The following MYO16 variants were observed in gnomAD, a reference collection of about 807,000 sequenced individuals.
MYO16 encodes unconventional myosin-XVI.
MYO16 carries 94 observed loss-of-function variants against 205.3 expected under a neutral mutation model. That is an observed-to-expected ratio of 0.46 (90% CI 0.39 to 0.54). The LOEUF is 0.54. Ranked by LOEUF, MYO16 falls within the 20% of genes least tolerant of loss-of-function variation. The pLI is 0.00. For missense variants in MYO16, 2,315 were observed against 2,387.5 expected, an observed-to-expected ratio of 0.97 and a Z score of 0.63; for synonymous variants, 988 against 954.0, an observed-to-expected ratio of 1.04 and a Z score of -0.66.
chr13:109,120,071 T>A (rs1875914516), intron 28 of MYO16, among the ~76,000 whole-genome samples: 1 of 152,228 alleles, frequency 6.6e-6, no homozygotes, highest in Non-Finnish European at 1.5e-5. Context: ...GATGCTCTTA[T>A]CTTCTGACTG....
At chr13:108,947,929 T>C (rs1882999482) in intron 16 of MYO16, among the ~76,000 whole-genome samples, 1 of 152,266 alleles carries the variant, frequency 6.6e-6, no homozygotes, top group Non-Finnish European at 1.5e-5. Context: ...GTTCTTTTCC[T>C]GGAGACCACT....
intron 34 of MYO16, among the ~76,000 whole-genome samples, chr13:109,201,656 G>A (rs1027607213): frequency 2.6e-5 from 4 of 152,102 alleles, no homozygotes; most frequent in African/African-American, 9.6e-5. Flanking sequence ...GGTTACATGA[G>A]TAAGTTCTTT....
the MYO16 span, among the ~76,000 whole-genome samples, chr13:108,550,792 G>A: frequency 6.6e-6 from 1 of 152,100 alleles, no homozygotes; most frequent in Admixed American, 6.5e-5. Context: ...CTGAATTATT[G>A]CATTTGGGAG....
At chr13:109,094,053 G>A (rs781518507) in intron 27 of MYO16, among the ~76,000 whole-genome samples, 12 of 151,940 alleles carry the variant, frequency 7.9e-5, no homozygotes, top group Non-Finnish European at 1.3e-4. Flanking sequence ...TCGACTCCTT[G>A]ATATTCCCAG....
Position 108,882,716 on chromosome 13 carries a change from A to C in MYO16, c.1426-343A>C, listed in dbSNP as rs1879677804. The stretch of plus-strand genomic sequence containing the variant: ...ATGGTATTGAAATTAAATACTGCTG[A>C]GAGAAATTGTATTTGTTGTAAATTA... On this transcript the variant is annotated intron_variant, in intron 12 of 34. Coordinates refer to ENST00000457511, the MANE Select transcript of MYO16 (RefSeq NM_001198950.3). Among the ~76,000 whole-genome samples the C allele has an allele frequency of 1.3e-5, 2 of 152,170 alleles. 1 individual carries two copies. Among genetic ancestry groups the C allele is most frequent in the South Asian group, 4.2e-4 (2 of 4,802 alleles).
At chr13:108,807,305 A>G (rs1358562733) in intron 7 of MYO16, among the ~76,000 whole-genome samples, 2 of 152,176 alleles carry the variant, frequency 1.3e-5, no homozygotes, top group East Asian at 3.8e-4. Context: ...ATTATGTAAA[A>G]TAATCTATCA....
chr13:108,704,950 C>CCA (rs1238209796), intron 2 of MYO16, among the ~76,000 whole-genome samples: 11 of 130,546 alleles, frequency 8.4e-5, no homozygotes, highest in African/African-American at 2.0e-4. Flanking sequence ...AAAAAAAAAA[C>CCA]AAAAAAAAAC....
At chr13:108,799,728 A>G (rs939023193) in intron 6 of MYO16, among the ~76,000 whole-genome samples, 1 of 152,150 alleles carries the variant, frequency 6.6e-6, no homozygotes, top group African/African-American at 2.4e-5. Flanking sequence ...AGTTTAGTTA[A>G]ATGTTAAATC....
chr13:108,649,774 A>G (rs1880917659), intron 1 of MYO16, among the ~76,000 whole-genome samples: 1 of 152,184 alleles, frequency 6.6e-6, no homozygotes, highest in South Asian at 2.1e-4. Flanking sequence ...AAGACTTGCA[A>G]TGAGGAGGGT....
the MYO16 span, among the ~76,000 whole-genome samples, chr13:108,589,036 G>A: frequency 6.6e-6 from 1 of 152,208 alleles, no homozygotes; most frequent in Non-Finnish European, 1.5e-5. Context: ...ATAGACATTA[G>A]AATGGTATTT....
chr13:109,042,504 GCAA>G (rs780612774), intron 23 of MYO16, among the ~76,000 whole-genome samples: 7 of 152,190 alleles, frequency 4.6e-5, no homozygotes, highest in South Asian at 4.1e-4. Context: ...GGAAAAGACA[GCAA>G]CAACAACAAC....
At chr13:108,715,672 G>C (rs1883914789) in intron 3 of MYO16, among the ~76,000 whole-genome samples, 1 of 152,138 alleles carries the variant, frequency 6.6e-6, no homozygotes, top group Non-Finnish European at 1.5e-5. Flanking sequence ...GTCATCTGAG[G>C]GAGACAGAAA....
intron 2 of MYO16, among the ~76,000 whole-genome samples, chr13:108,676,037 A>C (rs1427080380): frequency 6.6e-6 from 1 of 152,236 alleles, no homozygotes. Flanking sequence ...GTTAGCTACT[A>C]TTATGATTTG....
intron 2 of MYO16, among the ~76,000 whole-genome samples, chr13:108,669,375 G>T (rs116037213): frequency 6.6e-6 from 1 of 152,052 alleles, no homozygotes; most frequent in African/African-American, 2.4e-5. Context: ...AATGGATTAG[G>T]TTCTGTACAG....
chr13:108,926,858 C>T (rs916056281), intron 16 of MYO16, among the ~76,000 whole-genome samples: 1 of 152,170 alleles, frequency 6.6e-6, no homozygotes, highest in South Asian at 2.1e-4. Flanking sequence ...TGTTAAACAA[C>T]ATCTTTTAAA....
intron 10 of MYO16, among the ~76,000 whole-genome samples, chr13:108,844,912 G>A (rs1339811078): frequency 6.6e-6 from 1 of 152,050 alleles, no homozygotes; most frequent in Non-Finnish European, 1.5e-5. Context: ...TGCATTGCAT[G>A]TGTATCTGTA....
At chr13:108,638,887 G>A (rs1880378425) in intron 1 of MYO16, among the ~76,000 whole-genome samples, 1 of 152,134 alleles carries the variant, frequency 6.6e-6, no homozygotes, top group Non-Finnish European at 1.5e-5. Context: ...CATCAGAGTA[G>A]GCAGAAGGCA....
chr13:108,754,926 C>T (rs1461319599), intron 4 of MYO16, among the ~76,000 whole-genome samples: 2 of 152,028 alleles, frequency 1.3e-5, no homozygotes, highest in East Asian at 3.9e-4. Context: ...GGACCATATA[C>T]ACTGTAAATA....
At chr13:109,048,570 A>G in intron 24 of MYO16, 2 of 385,022 alleles carry the variant, frequency 5.2e-6, no homozygotes, top group Non-Finnish European at 4.7e-6. Context: ...TTACAAAAAC[A>G]GGCAGTGGGC....
Sources: gnomAD v4.1 joint callset for allele counts (sites outside exome capture counted in the v4.1 genomes callset) on GRCh38, gnomAD v4.1.1 for gene constraint, MANE v1.5 for transcripts, NCBI Gene and HGNC (gene_info 2026-07-23, HGNC 2026-07-21) for gene names.